Variants in MSRA observed in about 807,000 individuals in gnomAD.
MSRA encodes methionine sulfoxide reductase A.
A neutral mutation model predicts 31.3 loss-of-function variants in MSRA; 54 were observed. The observed-to-expected ratio is 1.73, with a 90% CI of 1.39 to 2.17. The LOEUF is 2.17. Ranked by LOEUF, MSRA falls within the 30% of genes most tolerant of loss-of-function variation. The pLI is 0.00. For synonymous variants in MSRA, 169 were observed against 116.5 expected (o/e 1.45, Z -2.90); for missense variants, 507 against 300.9 (o/e 1.69, Z -5.07).
At chr8:10,286,249 C>A (rs1005171562) in intron 3 of MSRA, among the ~76,000 whole-genome samples, 1 of 152,084 alleles carries the variant, frequency 6.6e-6, no homozygotes, top group African/African-American at 2.4e-5. Context: ...TGACTGTATC[C>A]CCACCCAGAT....
rs1283193062 is a variant in MSRA, at chr8:10,428,273, G to T, written c.669G>T (p.Gly223=). 1.2e-6 allele frequency: 2 copies of T among 1,614,032 alleles called. No individual in the cohort carries two copies. Among genetic ancestry groups the T allele is most frequent in the African/African-American group, 1.3e-5 (1 of 75,026 alleles). ...ACCCCAATGGCTACTGCGGCCTTGG[G>T]GGCACCGGCGTGTCCTGCCCAGTGG... The part of the protein sequence containing the change: ...SKNPNGYCGL[G]GTGVSCPVGI... Residue 223 remains glycine, a synonymous_variant, in exon 6 of 6, where the codon GGG becomes GGT. Coordinates refer to ENST00000317173, the MANE Select transcript of MSRA (RefSeq NM_012331.5).
At chr8:10,305,554 C>T (rs1305667213) in intron 4 of MSRA, among the ~76,000 whole-genome samples, 1 of 152,052 alleles carries the variant, frequency 6.6e-6, no homozygotes, top group African/African-American at 2.4e-5. Flanking sequence ...GCTTGGATTA[C>T]AGGCATCCGC....
At chr8:10,120,510 A>G (rs2129017629) in intron 1 of MSRA, among the ~76,000 whole-genome samples, 1 of 152,238 alleles carries the variant, frequency 6.6e-6, no homozygotes, top group East Asian at 1.9e-4. Flanking sequence ...ACTAAGCTAA[A>G]ATGTTTTGGA....
intron 1 of MSRA, among the ~76,000 whole-genome samples, chr8:10,056,001 C>T (rs62488689): frequency 0.11 from 16,266 of 151,918 alleles, 1,098 homozygotes; most frequent in East Asian, 0.24. Context: ...AACATCTATA[C>T]TTATATATAG....
intron 5 of MSRA, among the ~76,000 whole-genome samples, chr8:10,369,786 CT>C (rs1173173651): frequency 6.6e-6 from 1 of 152,152 alleles, no homozygotes; most frequent in Non-Finnish European, 1.5e-5. Flanking sequence ...AAAAAATACT[CT>C]TTAAAAACAG....
intron 1 of MSRA, among the ~76,000 whole-genome samples, chr8:10,170,630 T>A (rs964359684): frequency 2.0e-5 from 3 of 152,226 alleles, no homozygotes; most frequent in African/African-American, 7.2e-5. Context: ...TATTAGGTAT[T>A]GTAAGTCATC....
intron 2 of MSRA, among the ~76,000 whole-genome samples, chr8:10,235,946 A>G (rs946598715): frequency 8.5e-5 from 13 of 152,206 alleles, no homozygotes; most frequent in Admixed American, 3.3e-4. Context: ...AAAATGCTCT[A>G]TGAGTAGGTA....
rs1412821587 is a variant in MSRA, at chr8:10,333,550, CCTGT to C, written c.543+13564_543+13567del. On this transcript the variant is annotated intron_variant, in intron 5 of 5. Coordinates refer to ENST00000317173, the MANE Select transcript of MSRA (RefSeq NM_012331.5). ...TTTGTGTATGACCTTGGGTTGTTGA[CCTGT>C]CTAAGCCTAGGTTTTCTTATTTGCT... 3.3e-5 allele frequency among the ~76,000 whole-genome samples: 5 copies of C among 152,270 alleles called. No individual in the cohort carries two copies. The East Asian group carries it at 5.8e-4, about 18-fold the overall frequency.
At chr8:10,166,783 G>A (rs1180777573) in intron 1 of MSRA, among the ~76,000 whole-genome samples, 1 of 152,100 alleles carries the variant, frequency 6.6e-6, no homozygotes, top group African/African-American at 2.4e-5. Context: ...ATTTCTAGGT[G>A]TGTGGCCTCC....
intron 1 of MSRA, among the ~76,000 whole-genome samples, chr8:10,099,107 G>A (rs542895150): frequency 6.7e-6 from 1 of 150,328 alleles, no homozygotes; most frequent in East Asian, 1.9e-4. Context: ...GTATGTTTGT[G>A]AGTGAGAGAG....
At chr8:10,183,125 A>C (rs758017682) in intron 1 of MSRA, among the ~76,000 whole-genome samples, 33 of 152,074 alleles carry the variant, frequency 2.2e-4, no homozygotes, top group Non-Finnish European at 4.3e-4. Flanking sequence ...GTTTATCTTA[A>C]ATCTTGACTT....
chr8:10,237,392 A>G lies in MSRA; in HGVS notation c.212-7712A>G, dbSNP rs559992836. Among the ~76,000 whole-genome samples the G allele has an allele frequency of 3.1e-4, 48 of 152,382 alleles. 1 individual carries two copies. The highest frequency in any genetic ancestry group is 3.4e-4 in the African/African-American group (14 of 41,600). ...TCTTTCTATTGACATTTGTAGGTCA[A>G]TTATATATGTTGACTAAATTTACAA... is the stretch of plus-strand genomic sequence containing the variant. On this transcript the variant is annotated intron_variant, in intron 2 of 5. Coordinates refer to ENST00000317173, the MANE Select transcript of MSRA (RefSeq NM_012331.5).
chr8:10,315,040 A>G (rs1801633696), intron 4 of MSRA, among the ~76,000 whole-genome samples: 1 of 152,188 alleles, frequency 6.6e-6, no homozygotes, highest in South Asian at 2.1e-4. Context: ...GCAAAGGCAC[A>G]TCTTATTACA....
chr8:10,417,961 G>A (rs541800786), intron 5 of MSRA, among the ~76,000 whole-genome samples: 3 of 152,204 alleles, frequency 2.0e-5, no homozygotes, highest in South Asian at 2.1e-4. Flanking sequence ...ACATGCCCGC[G>A]TCCTGCCTGC....
At chr8:10,387,165 C>T (rs1299036656) in intron 5 of MSRA, among the ~76,000 whole-genome samples, 1 of 152,206 alleles carries the variant, frequency 6.6e-6, no homozygotes, top group Admixed American at 6.5e-5. Context: ...CGTGACTGCA[C>T]TGCTACATGT....
chr8:10,246,983 A>G (rs941424074), intron 3 of MSRA, among the ~76,000 whole-genome samples: 2 of 152,196 alleles, frequency 1.3e-5, no homozygotes, highest in East Asian at 1.9e-4. Flanking sequence ...GGCCTAAGAG[A>G]AAAAGGTTGC....
intron 1 of MSRA, among the ~76,000 whole-genome samples, chr8:10,058,093 C>T (rs1802498518): frequency 6.6e-6 from 1 of 152,178 alleles, no homozygotes; most frequent in African/African-American, 2.4e-5. Flanking sequence ...CTTGCGTTTA[C>T]ATTCTTAGTG....
chr8:10,388,882 C>T (rs1221789460), intron 5 of MSRA, among the ~76,000 whole-genome samples: 1 of 151,660 alleles, frequency 6.6e-6, no homozygotes, highest in Admixed American at 6.6e-5. Context: ...CCACTGCTAC[C>T]CTGGTTGTGG....
intron 1 of MSRA, among the ~76,000 whole-genome samples, chr8:10,157,767 C>T (rs1208767676): frequency 6.6e-6 from 1 of 152,080 alleles, no homozygotes; most frequent in Admixed American, 6.6e-5. Flanking sequence ...CCCCCTCTCT[C>T]TGCCCGCCCT....
Sources: allele counts gnomAD v4.1 joint callset (sites outside exome capture counted in the v4.1 genomes callset), GRCh38; gene constraint gnomAD v4.1.1; transcripts MANE v1.5; gene names NCBI Gene and HGNC (gene_info 2026-07-23, HGNC 2026-07-21).